Variants in IQSEC1 observed in about 807,000 individuals in gnomAD.
IQSEC1 encodes IQ motif and SEC7 domain-containing protein 1.
In IQSEC1, 31 loss-of-function variants were observed where a neutral mutation model predicts 91.0. That is an observed-to-expected ratio of 0.34 (90% CI 0.26 to 0.46). The LOEUF (loss-of-function observed/expected upper bound fraction) is 0.46, where lower values mean the gene tolerates loss of function less well. Ranked by LOEUF, IQSEC1 falls within the 20% of genes least tolerant of loss-of-function variation. The pLI, the probability that IQSEC1 is intolerant of heterozygous loss-of-function variation, is 1.00. For missense variants in IQSEC1, 1,388 were observed against 1,575.6 expected (o/e 0.88, Z 2.02); for synonymous variants, 699 against 662.6 (o/e 1.05, Z -0.84).
intron 1 of IQSEC1, among the ~76,000 whole-genome samples, chr3:13,200,471 C>G (rs927971600): frequency 2.6e-5 from 4 of 152,242 alleles, no homozygotes; most frequent in Non-Finnish European, 5.9e-5. Context: ...ACGATCACAT[C>G]TGTAACCAAC....
chr3:13,251,000 A>G (rs1356971797), intron 1 of IQSEC1, among the ~76,000 whole-genome samples: 1 of 152,172 alleles, frequency 6.6e-6, no homozygotes, highest in Non-Finnish European at 1.5e-5. Context: ...AGAGTCCTCC[A>G]GGGCCCTGTG....
At chr3:13,209,831 C>T (rs1470032042) in intron 1 of IQSEC1, among the ~76,000 whole-genome samples, 1 of 152,198 alleles carries the variant, frequency 6.6e-6, no homozygotes, top group Non-Finnish European at 1.5e-5. Context: ...TTCTTTTGCA[C>T]TTTCCAAGAG....
At chr3:12,995,093 C>G (rs1702176065) in intron 1 of IQSEC1, 1 of 152,294 alleles carries the variant, frequency 6.6e-6, no homozygotes, top group African/African-American at 2.4e-5. Flanking sequence ...CCCCGCCGGT[C>G]TGGAGCGAGG....
In IQSEC1 at chr3:12,901,408, C is replaced by G; in HGVS notation, c.2920G>C (p.Gly974Arg). The G allele has an allele frequency of 6.5e-7, 1 of 1,545,010 alleles. No individual in the cohort carries two copies. The highest frequency in any genetic ancestry group is 8.7e-7 in the Non-Finnish European group (1 of 1,145,786). The change falls in exon 14 of 14, where the codon GGG (glycine) becomes CGG (arginine). Residue 974 changes from glycine (G) to arginine (R), a missense_variant. Physicochemically the swap from Gly to Arg is moderately radical, Grantham distance 125 (BLOSUM62 -2). Coordinates refer to ENST00000613206, the MANE Select transcript of IQSEC1 (RefSeq NM_001134382.3). ...GGAGGGGGCTTCCCTCTCTTGCTCC[C>G]GAATAAGGAGCCCAGGAGGGAAGAT... ...NSSSLLGSLF[G>R]SKRGKPPPQA...
chr3:12,929,098 G>A (rs751876908), intron 3 of IQSEC1, among the ~76,000 whole-genome samples: 1 of 152,228 alleles, frequency 6.6e-6, no homozygotes, highest in Non-Finnish European at 1.5e-5. Context: ...GGCTGGGAGA[G>A]TCAGAAGCCC....
chr3:13,259,637 G>A lies in IQSEC1; in HGVS notation c.272+23074C>T, dbSNP rs949745584. 2.7e-4 allele frequency among the ~76,000 whole-genome samples: 41 copies of A among 152,312 alleles called. No homozygotes were observed. The highest frequency in any genetic ancestry group is 1.2e-3 in the South Asian group (6 of 4,820). On this transcript the variant is annotated intron_variant, in intron 1 of 15. Transcript: ENST00000648114. The surrounding 1 kb of genome is among the most constrained non-coding windows in gnomAD (Gnocchi z 4.6). Reference sequence around the variant, plus strand: ...TTGCAGAAGACCCACTAGGCTGTTCGTTGCCATTCAAAACCAGCAGCTCCA... The same window carrying A: ...TTGCAGAAGACCCACTAGGCTGTTCATTGCCATTCAAAACCAGCAGCTCCA...
At chr3:12,975,345 G>C (rs1207651005) in intron 1 of IQSEC1, among the ~76,000 whole-genome samples, 1 of 152,182 alleles carries the variant, frequency 6.6e-6, no homozygotes, top group African/African-American at 2.4e-5. Context: ...TTGGGCAAGT[G>C]GTTTGGTCTT....
intron 2 of IQSEC1, among the ~76,000 whole-genome samples, chr3:13,112,758 C>T (rs1158825707): frequency 1.3e-5 from 2 of 152,216 alleles, no homozygotes; most frequent in Non-Finnish European, 2.9e-5. Context: ...ATGCCCCTCC[C>T]CTGACCTGGC....
chr3:12,934,693 G>C (rs1186926842), intron 3 of IQSEC1, among the ~76,000 whole-genome samples: 3 of 152,158 alleles, frequency 2.0e-5, no homozygotes, highest in Non-Finnish European at 4.4e-5. Context: ...CAAGTGCTCA[G>C]CCCTCCTCCC....
chr3:13,041,798 C>T (rs1014734938), intron 1 of IQSEC1, among the ~76,000 whole-genome samples: 26 of 152,310 alleles, frequency 1.7e-4, no homozygotes, highest in South Asian at 2.1e-4. Context: ...AGTGACTCGC[C>T]CAAGATCGCG....
chr3:13,131,963 T>C (rs1403050123), intron 2 of IQSEC1, among the ~76,000 whole-genome samples: 1 of 152,244 alleles, frequency 6.6e-6, no homozygotes, highest in Non-Finnish European at 1.5e-5. Context: ...TGGGCTTTTC[T>C]GCTAATTCTA....
Position 12,967,595 on chromosome 3 carries a change from G to A in IQSEC1, c.24-25730C>T. The A allele has an allele frequency of 3.1e-6, 4 of 1,281,452 alleles. No individual in the cohort carries two copies. Among genetic ancestry groups the A allele is most frequent in the Non-Finnish European group, 3.9e-6 (4 of 1,017,592 alleles). 79.4% of individuals were successfully genotyped at this position (1,281,452 alleles called of 1,614,324 possible). ...GACCACCCGCCACGCGATCACGTCG[G>A]GGCTCCTGGTCCAGCGTCCGCCGGC... is the stretch of plus-strand genomic sequence containing the variant. On this transcript the variant is annotated intron_variant, in intron 1 of 13. Coordinates refer to ENST00000613206, the MANE Select transcript of IQSEC1 (RefSeq NM_001134382.3). This position sits in a 1 kb window ranked among gnomAD's most constrained non-coding sequence, Gnocchi z 5.9.
At chr3:13,077,796 T>C (rs1309104512), upstream of IQSEC1, among the ~76,000 whole-genome samples, 1 of 152,226 alleles carries the variant, frequency 6.6e-6, no homozygotes, top group Admixed American at 6.5e-5. Flanking sequence ...CAAGTATCAC[T>C]GAGGTGCCCT....
chr3:13,093,650 C>G (rs1705905457), intron 2 of IQSEC1, among the ~76,000 whole-genome samples: 4 of 152,136 alleles, frequency 2.6e-5, no homozygotes, highest in Admixed American at 2.6e-4. Context: ...TGTGGCAAAC[C>G]CTGGACAAGG....
chr3:13,155,468 C>A (rs867915039), intron 2 of IQSEC1, among the ~76,000 whole-genome samples: 1 of 152,132 alleles, frequency 6.6e-6, no homozygotes, highest in Middle Eastern at 3.2e-3. Context: ...AATAAGGAGA[C>A]TGAATTAGTA....
chr3:12,904,231 G>C (rs969021489), intron 12 of IQSEC1, among the ~76,000 whole-genome samples: 1 of 152,212 alleles, frequency 6.6e-6, no homozygotes, highest in Admixed American at 6.5e-5. Flanking sequence ...CACAGACTCA[G>C]GGGAGTCCAG....
At chr3:13,253,430 G>A (rs866625001) in intron 1 of IQSEC1, among the ~76,000 whole-genome samples, 10 of 152,210 alleles carry the variant, frequency 6.6e-5, no homozygotes, top group African/African-American at 1.9e-4. Flanking sequence ...TAGCCAAGAT[G>A]GCGGGTATTG....
chr3:13,041,459 T>TA (rs1456503039), intron 1 of IQSEC1, among the ~76,000 whole-genome samples: 2 of 152,188 alleles, frequency 1.3e-5, no homozygotes. Flanking sequence ...GCTCGTATGC[T>TA]AATGGCCGCA....
intron 1 of IQSEC1, among the ~76,000 whole-genome samples, chr3:13,063,091 G>A (rs1705123989): frequency 6.6e-6 from 1 of 152,238 alleles, no homozygotes; most frequent in Non-Finnish European, 1.5e-5. Context: ...ATGCACAGGG[G>A]AGGGAGAGCC....
Sources: allele counts gnomAD v4.1 joint callset (sites outside exome capture counted in the v4.1 genomes callset), GRCh38; gene constraint gnomAD v4.1.1; non-coding constraint Gnocchi (gnomAD v3.1); transcripts MANE v1.5; gene names NCBI Gene and HGNC (gene_info 2026-07-23, HGNC 2026-07-21).